AP1S3: variants seen among roughly 807,000 people sequenced by gnomAD.
The protein encoded by AP1S3 is AP-1 complex subunit sigma-3.
Under a neutral mutation model 20.9 loss-of-function variants are expected in AP1S3, and 10 were observed. The ratio of observed to expected loss-of-function variants is 0.48; its 90% CI spans 0.29 to 0.81. The LOEUF (loss-of-function observed/expected upper bound fraction) is 0.81, where lower values mean the gene tolerates loss of function less well. Ranked by LOEUF, AP1S3 falls within the 30% of genes least tolerant of loss-of-function variation. The pLI is 0.08. For synonymous variants in AP1S3, 41 were observed against 61.5 expected (o/e 0.67, Z 1.56); for missense variants, 154 against 183.8 (o/e 0.84, Z 0.94).
rs537723334 is a variant in AP1S3 at position 223,803,475 on chromosome 2, G to C, written c.4-25606C>G. ...CTAACAGCATGGCACTTAGGATGGT[G>C]GTAAAGGTGATGTACTCAACGAAAA... On this transcript the variant is annotated intron_variant, in intron 1 of 4. Coordinates refer to ENST00000396654, the MANE Select transcript of AP1S3 (RefSeq NM_001039569.2). Among the ~76,000 whole-genome samples the C allele has an allele frequency of 2.0e-5, 3 of 152,100 alleles. No individual in the cohort carries two copies. The South Asian group carries it at 6.2e-4, about 32-fold the overall frequency.
At chr2:223,774,100 C>T (rs1690702611) in intron 3 of AP1S3, among the ~76,000 whole-genome samples, 2 of 152,198 alleles carry the variant, frequency 1.3e-5, no homozygotes, top group South Asian at 2.1e-4. Context: ...GGCAGTGGCT[C>T]ATGCCTGTAA....
intron 1 of AP1S3, among the ~76,000 whole-genome samples, chr2:223,812,798 G>C (rs570924462): frequency 6.6e-6 from 1 of 152,184 alleles, no homozygotes; most frequent in African/African-American, 2.4e-5. Context: ...TAGAGGGAGA[G>C]AGAAGGAGTA....
chr2:223,812,368 C>G (rs191668393), intron 1 of AP1S3, among the ~76,000 whole-genome samples: 1 of 152,076 alleles, frequency 6.6e-6, no homozygotes, highest in Non-Finnish European at 1.5e-5. Context: ...ATTATAGGCA[C>G]GCGCCACCAC....
At chr2:223,770,023 C>T (rs988659082) in intron 3 of AP1S3, among the ~76,000 whole-genome samples, 5 of 152,022 alleles carry the variant, frequency 3.3e-5, no homozygotes, top group Admixed American at 1.3e-4. Context: ...GGATTACAGG[C>T]GTGAGCCATC....
intron 1 of AP1S3, among the ~76,000 whole-genome samples, chr2:223,825,746 G>T (rs908173267): frequency 6.6e-6 from 1 of 152,162 alleles, no homozygotes; most frequent in East Asian, 1.9e-4. Flanking sequence ...GCCGGCCATG[G>T]TGGCTCAGGC....
chr2:223,829,976 G>A (rs894700952), intron 1 of AP1S3, among the ~76,000 whole-genome samples: 1 of 152,118 alleles, frequency 6.6e-6, no homozygotes, highest in Non-Finnish European at 1.5e-5. Context: ...TTACTATCTG[G>A]CCTTTTACGG....
chr2:223,772,069 T>C (rs745339182), intron 3 of AP1S3, among the ~76,000 whole-genome samples: 11 of 152,200 alleles, frequency 7.2e-5, no homozygotes, highest in Admixed American at 2.0e-4. Flanking sequence ...ACCGCGCCAC[T>C]GCATTCCAGC....
intron 1 of AP1S3, among the ~76,000 whole-genome samples, chr2:223,825,169 C>T (rs1692096258): frequency 1.3e-5 from 2 of 151,992 alleles, no homozygotes; most frequent in Middle Eastern, 3.4e-3. Flanking sequence ...AAAAATTAGC[C>T]GGGCGTGGTG....
intron 1 of AP1S3, among the ~76,000 whole-genome samples, chr2:223,785,688 G>A (rs994592056): frequency 2.0e-5 from 3 of 152,132 alleles, no homozygotes; most frequent in Non-Finnish European, 2.9e-5. Flanking sequence ...CATTACTCAG[G>A]TGACCCTGCA....
chr2:223,829,728 T>A (rs541831152), intron 1 of AP1S3, among the ~76,000 whole-genome samples: 1 of 151,992 alleles, frequency 6.6e-6, no homozygotes, highest in East Asian at 1.9e-4. Context: ...TCCCAGCTAC[T>A]TGGGAGACTG....
rs1220570023 is a variant in AP1S3, at chr2:223,758,581, T to G, written c.*134A>C. The G allele has an allele frequency of 7.3e-7, 1 of 1,365,050 alleles. No homozygotes were observed. Among genetic ancestry groups the G allele is most frequent in the East Asian group, 2.8e-5 (1 of 36,306 alleles). 84.6% of individuals were successfully genotyped at this position (1,365,050 alleles called of 1,614,324 possible). A position where few individuals can be genotyped will look rare whatever the true frequency, so the allele number is the denominator to read the frequency against. ...TAAATATGTTAAACAACTTTAACTT[T>G]GTTAGTTAACAAAGAATCCCTTTAA... is the stretch of plus-strand genomic sequence containing the variant. On this transcript the variant is annotated 3_prime_UTR_variant, in exon 5 of 5. Transcript: ENST00000396654.
rs527550327 is a variant in AP1S3 at position 223,780,308 on chromosome 2, TAGAGAGAGAGAG to T, written c.4-2451_4-2440del. On this transcript the variant is annotated intron_variant, in intron 1 of 4. Coordinates refer to ENST00000396654, the MANE Select transcript of AP1S3 (RefSeq NM_001039569.2). ...ATATATATATATATATATATATATA[TAGAGAGAGAGAG>T]AGAGAGAGAGAGAGAGAGAGAGAGA... Among the ~76,000 whole-genome samples the T allele has an allele frequency of 2.4e-3, 149 of 61,894 alleles. 1 individual carries two copies. Among genetic ancestry groups the T allele is most frequent in the Admixed American group, 4.7e-3 (20 of 4,242 alleles). The allele number at this position is 61,894 out of a possible 152,430, so 40.6% of individuals were successfully genotyped here. A position where few individuals can be genotyped will look rare whatever the true frequency, so the allele number is the denominator to read the frequency against.
chr2:223,829,810 C>G (rs1355126594), intron 1 of AP1S3, among the ~76,000 whole-genome samples: 1 of 151,040 alleles, frequency 6.6e-6, no homozygotes, highest in African/African-American at 2.4e-5. Context: ...GTGCTCCAGC[C>G]TGGGCAACAG....
intron 1 of AP1S3, among the ~76,000 whole-genome samples, chr2:223,824,746 G>A (rs1473424583): frequency 1.3e-5 from 2 of 152,132 alleles, no homozygotes; most frequent in Non-Finnish European, 2.9e-5. Flanking sequence ...CATTTGGCCA[G>A]GCTGGTCTCA....
chr2:223,767,115 G>T (rs1235721100), intron 3 of AP1S3, among the ~76,000 whole-genome samples: 2 of 152,052 alleles, frequency 1.3e-5, no homozygotes, highest in African/African-American at 4.8e-5. Context: ...AAACCACCAT[G>T]GCACATAAAT....
chr2:223,814,735 G>A (rs1308451513), intron 1 of AP1S3, among the ~76,000 whole-genome samples: 1 of 152,154 alleles, frequency 6.6e-6, no homozygotes, highest in Non-Finnish European at 1.5e-5. Flanking sequence ...AGACTATACA[G>A]GAGATTTCAG....
intron 1 of AP1S3, among the ~76,000 whole-genome samples, chr2:223,805,121 A>C (rs1234634869): frequency 3.3e-5 from 5 of 152,222 alleles, no homozygotes; most frequent in Non-Finnish European, 7.3e-5. Context: ...CTTAGGAAGA[A>C]TGAAATAGTG....
At chr2:223,808,275 G>T (rs916482707) in intron 1 of AP1S3, among the ~76,000 whole-genome samples, 1 of 152,112 alleles carries the variant, frequency 6.6e-6, no homozygotes, top group Non-Finnish European at 1.5e-5. Context: ...CAACATCATT[G>T]GCAGACATGA....
At chr2:223,805,502 T>C (rs184898026) in intron 1 of AP1S3, among the ~76,000 whole-genome samples, 8 of 152,310 alleles carry the variant, frequency 5.3e-5, no homozygotes, top group Admixed American at 1.3e-4. Flanking sequence ...GTTTCCTGCC[T>C]TTCAATTATA....
Sources: allele counts gnomAD v4.1 joint callset (sites outside exome capture counted in the v4.1 genomes callset), GRCh38; gene constraint gnomAD v4.1.1; transcripts MANE v1.5; gene names NCBI Gene and HGNC (gene_info 2026-07-23, HGNC 2026-07-21).